Variants in NBAS observed in about 807,000 individuals in gnomAD.
NBAS encodes the protein NAG/BC035112 fusion.
NBAS carries 219 observed loss-of-function variants against 302.5 expected under a neutral mutation model. The observed-to-expected ratio is 0.72, with a 90% CI of 0.65 to 0.81. The LOEUF (loss-of-function observed/expected upper bound fraction) is 0.81. NBAS is among the 30% of genes least tolerant of loss of function. The pLI is 0.00. For synonymous variants in NBAS, 1,118 were observed against 1,021.6 expected (o/e 1.09, Z -1.80); for missense variants, 2,932 against 2,841.6 (o/e 1.03, Z -0.72).
chr2:15,023,784 C>T, the NBAS span, among the ~76,000 whole-genome samples: 2 of 59,634 alleles, frequency 3.4e-5, no homozygotes, highest in Non-Finnish European at 6.5e-5. Context: ...TTCTTGTCAA[C>T]TTGTAAGAGA....
chr2:15,143,040 A>G, the NBAS span, among the ~76,000 whole-genome samples: 1 of 152,204 alleles, frequency 6.6e-6, no homozygotes, highest in Admixed American at 6.5e-5. Context: ...CTACTCACTC[A>G]TCAGCCCGTT....
the NBAS span, among the ~76,000 whole-genome samples, chr2:15,029,000 G>T: frequency 6.6e-6 from 1 of 152,132 alleles, no homozygotes; most frequent in Non-Finnish European, 1.5e-5. Context: ...CTGGACCATT[G>T]AGTGAATGAG....
chr2:14,813,312 C>A, the NBAS span, among the ~76,000 whole-genome samples: 34 of 151,434 alleles, frequency 2.2e-4, no homozygotes, highest in African/African-American at 6.6e-4. Flanking sequence ...AGGTTTGGAA[C>A]TTCTTAAAGA....
chr2:14,809,043 C>A, the NBAS span, among the ~76,000 whole-genome samples: 1 of 152,178 alleles, frequency 6.6e-6, no homozygotes, highest in East Asian at 1.9e-4. Flanking sequence ...GAAGGAATTT[C>A]TAAGCAGCAA....
chr2:15,085,021 C>T, the NBAS span, among the ~76,000 whole-genome samples: 1 of 152,176 alleles, frequency 6.6e-6, no homozygotes, highest in South Asian at 2.1e-4. Context: ...GCGGACAGCG[C>T]CCCACCTCCT....
chr2:15,164,960 G>A (rs1051443261), downstream of NBAS, among the ~76,000 whole-genome samples: 1 of 152,172 alleles, frequency 6.6e-6, no homozygotes. Flanking sequence ...GGGGCTGGGG[G>A]ACTGGAATGT....
chr2:15,038,199 G>A, the NBAS span, among the ~76,000 whole-genome samples: 3 of 143,466 alleles, frequency 2.1e-5, no homozygotes, highest in Non-Finnish European at 3.0e-5. Flanking sequence ...CGCAAATCCT[G>A]CCTGCCAGGT....
the NBAS span, among the ~76,000 whole-genome samples, chr2:15,101,392 G>T: frequency 6.6e-6 from 1 of 151,662 alleles, no homozygotes; most frequent in African/African-American, 2.4e-5. Context: ...TTCTATTTTT[G>T]TGTATATTAT....
intron 10 of NBAS, among the ~76,000 whole-genome samples, chr2:15,505,049 T>C (rs1489365941): frequency 6.6e-6 from 1 of 152,258 alleles, no homozygotes; most frequent in Non-Finnish European, 1.5e-5. Context: ...ACAAAAACCA[T>C]ACTCTCCACT....
At chr2:15,503,648 T>G (rs1661692307) in intron 11 of NBAS, among the ~76,000 whole-genome samples, 1 of 152,166 alleles carries the variant, frequency 6.6e-6, no homozygotes, top group African/African-American at 2.4e-5. Flanking sequence ...TTGCCATGGA[T>G]CCATACTCTT....
the NBAS span, among the ~76,000 whole-genome samples, chr2:15,143,239 GA>G: frequency 6.6e-6 from 1 of 152,030 alleles, no homozygotes; most frequent in East Asian, 1.9e-4. Flanking sequence ...AATCGATTAC[GA>G]TCCTTCTTTT....
the NBAS span, among the ~76,000 whole-genome samples, chr2:14,989,536 C>T: frequency 1.6e-4 from 24 of 151,420 alleles, no homozygotes; most frequent in African/African-American, 1.9e-4. Context: ...CCAGCCTGGG[C>T]GACAGAGTGA....
chr2:15,228,959 A>G (rs1667257848), intron 47 of NBAS, among the ~76,000 whole-genome samples: 1 of 152,218 alleles, frequency 6.6e-6, no homozygotes, highest in Non-Finnish European at 1.5e-5. Flanking sequence ...CAAGATCGCT[A>G]GAAGAATTTG....
chr2:15,398,012 T>C (rs1675954046), intron 26 of NBAS, among the ~76,000 whole-genome samples: 1 of 152,186 alleles, frequency 6.6e-6, no homozygotes, highest in South Asian at 2.1e-4. Flanking sequence ...ACAGGAGTGA[T>C]GAGTGGGATA....
chr2:15,386,077 T>C (rs566450920), intron 28 of NBAS, among the ~76,000 whole-genome samples: 18 of 152,342 alleles, frequency 1.2e-4, no homozygotes, highest in Non-Finnish European at 2.1e-4. Flanking sequence ...GCCACTGATA[T>C]GTAAGTTCCT....
the NBAS span, among the ~76,000 whole-genome samples, chr2:15,012,218 C>T: frequency 0.026 from 3,926 of 152,002 alleles, 158 homozygotes; most frequent in East Asian, 0.089. Context: ...AAGAAATAAA[C>T]GGACACGTTT....
the NBAS span, among the ~76,000 whole-genome samples, chr2:14,981,878 G>A: frequency 2.0e-5 from 3 of 152,300 alleles, no homozygotes; most frequent in South Asian, 4.1e-4. Context: ...TAACATGGTA[G>A]CTAGTCTCAA....
At chr2:15,028,879 T>C in the NBAS span, among the ~76,000 whole-genome samples, 1 of 152,232 alleles carries the variant, frequency 6.6e-6, no homozygotes, top group Non-Finnish European at 1.5e-5. Flanking sequence ...TTTTATATAC[T>C]TCCCCATTTG....
In NBAS at chr2:15,218,880, C is replaced by G; in HGVS notation, c.6325G>C (p.Val2109Leu). 1.2e-6 allele frequency: 2 copies of G among 1,614,262 alleles called. No homozygotes were observed. The highest frequency in any genetic ancestry group is 1.7e-6 in the Non-Finnish European group (2 of 1,180,056). Residue 2109 changes from valine (V) to leucine (L), a missense_variant, in exon 48 of 52, where the codon GTG becomes CTG. By Grantham distance (32) the Val-to-Leu change is conservative (BLOSUM62 1). Transcript: ENST00000281513. ...DAWPVRPRIHVLQILGQSFHL... is the reference protein window; with the variant it reads ...DAWPVRPRIHLLQILGQSFHL... ...AATGATTGCCCCAAAATCTGCAGCACGTGAATGCGGGGCCGCACCGGCCAG... is the reference window on the plus strand; with the variant it reads ...AATGATTGCCCCAAAATCTGCAGCAGGTGAATGCGGGGCCGCACCGGCCAG...
Sources: allele counts gnomAD v4.1 joint callset (sites outside exome capture counted in the v4.1 genomes callset), GRCh38; gene constraint gnomAD v4.1.1; transcripts MANE v1.5; gene names NCBI Gene and HGNC (gene_info 2026-07-23, HGNC 2026-07-21).